COPS6: variants seen among roughly 807,000 people sequenced by gnomAD.
COPS6 encodes COP9 signalosome complex subunit 6.
COPS6 carries 9 observed loss-of-function variants against 41.0 expected under a neutral mutation model. The observed-to-expected ratio is 0.22, with a 90% CI of 0.13 to 0.38. The LOEUF is 0.38. COPS6 is among the 10% of genes least tolerant of loss of function. The pLI is 1.00. For synonymous variants in COPS6, 179 were observed against 162.9 expected, an observed-to-expected ratio of 1.10 and a Z score of -0.75; for missense variants, 302 against 436.7, an observed-to-expected ratio of 0.69 and a Z score of 2.75.
intron 3 of COPS6, 35 bp downstream of exon 3, chr7:100,089,781 G>C: frequency 6.3e-7 from 1 of 1,597,446 alleles, no homozygotes; most frequent in Non-Finnish European, 8.5e-7. Flanking sequence ...AGAGGAGTGG[G>C]AGTTAAAAAA....
Position 100,091,245 on chromosome 7 carries a change from A to T in COPS6, c.657A>T (p.Glu219Asp). The part of the protein sequence containing the change: ...TGSGENSTVA[E>D]HLIAQHSAIK... The stretch of plus-strand genomic sequence containing the variant: ...GTCCTCATCCCCTTGCAGTGGCTGA[A>T]CACCTGATAGCACAGCACAGCGCCA... The change falls in exon 8 of 10, where the codon GAA (glutamate) becomes GAT (aspartate). Residue 219 changes from glutamate (E) to aspartate (D), a missense_variant. Glu to Asp is a conservative substitution (Grantham distance 45, BLOSUM62 2). Transcript: ENST00000303904. This position sits in a 1 kb window ranked among gnomAD's most constrained non-coding sequence, Gnocchi z 4.1. 6.2e-7 allele frequency: 1 copy of T among 1,614,212 alleles called. No individual in the cohort carries two copies. The highest frequency in any genetic ancestry group is 8.5e-7 in the Non-Finnish European group (1 of 1,180,038).
At chr7:100,090,972 T>A (rs1795307568) in intron 6 of COPS6, 23 bp downstream of exon 6, 1 of 1,614,044 alleles carries the variant, frequency 6.2e-7, no homozygotes, top group Admixed American at 1.7e-5. Flanking sequence ...CCTTCAACCC[T>A]CAGATCCTGC....
In COPS6 at chr7:100,089,695, G is replaced by C. The variant is rs769114568; in HGVS notation, c.283G>C (p.Glu95Gln). The part of the protein sequence containing the change: ...NSFELLSHTV[E>Q]EKIIIDKEYY... The stretch of plus-strand genomic sequence containing the variant: ...CTTTGAGCTGCTGTCCCACACCGTG[G>C]AAGAGAAGATTATCATTGACAAGGA... Residue 95 changes from glutamate to glutamine, a missense_variant, in exon 3 of 10, where the codon GAA becomes CAA. Around this residue, in one of 3 missense-constraint regions of COPS6, gnomAD observed 222 missense variants for 309.0 expected, o/e 0.72. Transcript: ENST00000303904. 1 of 1,614,092 alleles carries C rather than the reference G, an allele frequency of 6.2e-7. No homozygotes were observed. The highest frequency in any genetic ancestry group is 2.2e-5 in the East Asian group (1 of 44,882).
rs559254902 is a variant in COPS6 at position 100,090,280 on chromosome 7, G to A, written c.335-119G>A. The A allele has an allele frequency of 1.1e-4, 78 of 701,640 alleles. No homozygotes were observed. In the East Asian group the frequency reaches 1.8e-3, roughly 17 times the overall value. The allele number at this position is 701,640 out of a possible 1,614,324, so 43.5% of individuals were successfully genotyped here. ...GGAGAATTGCTTGAACCTGGGAGGC[G>A]GAGGTTGTGGTGAGCTGAGATCATG... On this transcript the variant is annotated intron_variant, in intron 3 of 9. Coordinates refer to ENST00000303904, the MANE Select transcript of COPS6 (RefSeq NM_006833.5).
intron 3 of COPS6, 173 bp downstream of exon 3, chr7:100,089,919 C>A: frequency 1.6e-6 from 1 of 613,698 alleles, no homozygotes; most frequent in Non-Finnish European, 2.8e-6. Context: ...AGTTCTTTCT[C>A]AAAAGAAAGC....
At chr7:100,090,204 C>T (rs933495516) in intron 3 of COPS6, 195 bp from the exon 4 acceptor site, 5 of 578,760 alleles carry the variant, frequency 8.6e-6, no homozygotes, top group African/African-American at 3.7e-5. Context: ...AAAAATTAGT[C>T]TGGCATGGTG....
In COPS6 at chr7:100,091,087, C is replaced by G; in HGVS notation, c.584C>G (p.Ala195Gly). The change falls in exon 7 of 10, where the codon GCG (alanine) becomes GGG (glycine). Residue 195 changes from alanine (A) to glycine (G), a missense_variant. Transcript: ENST00000303904. The surrounding 1 kb of genome is among the most constrained non-coding windows in gnomAD (Gnocchi z 4.1). ...ACCTACACTCTGGCCACAGAGGAAG[C>G]GGAACGCATTGGTGTAGACCACGTA... is the stretch of plus-strand genomic sequence containing the variant. ...ELTYTLATEE[A>G]ERIGVDHVAR... The G allele has an allele frequency of 1.2e-6, 2 of 1,614,232 alleles. No homozygotes were observed. Among genetic ancestry groups the G allele is most frequent in the Non-Finnish European group, 1.7e-6 (2 of 1,180,042 alleles).
intron 3 of COPS6, 88 bp downstream of exon 3, chr7:100,089,834 CAGGAG>C (rs1795286027): frequency 7.4e-7 from 1 of 1,351,852 alleles, no homozygotes. Flanking sequence ...TGGAAAGAAA[CAGGAG>C]AGGAGACCAA....
chr7:100,091,429 C>T lies in COPS6; in HGVS notation c.752C>T (p.Pro251Leu). ...YVKASEAGEV[P>L]FNHEILREAY... ...CTTTTTGTGCCTTTAGGAGAGGTCCCCTTTAATCATGAGATCCTGCGGGAG... is the reference window on the plus strand; with the variant it reads ...CTTTTTGTGCCTTTAGGAGAGGTCCTCTTTAATCATGAGATCCTGCGGGAG... The change falls in exon 9 of 10, where the codon CCC becomes CTC. Residue 251 changes from proline to leucine, a missense_variant. By Grantham distance (98) the Pro-to-Leu change is moderately conservative. Coordinates refer to ENST00000303904, the MANE Select transcript of COPS6 (RefSeq NM_006833.5). The surrounding 1 kb of genome is among the most constrained non-coding windows in gnomAD (Gnocchi z 4.1). The T allele has an allele frequency of 6.2e-7, 1 of 1,614,078 alleles. No individual in the cohort carries two copies. The highest frequency in any genetic ancestry group is 8.5e-7 in the Non-Finnish European group (1 of 1,179,948).
In COPS6 at chr7:100,091,369, C is replaced by A. The variant is rs1421744921; in HGVS notation, c.742+39C>A. 13 of 1,612,852 alleles carry A rather than the reference C, an allele frequency of 8.1e-6. No homozygotes were observed. Among genetic ancestry groups the A allele is most frequent in the Non-Finnish European group, 1.1e-5 (13 of 1,178,930 alleles). Reference sequence around the variant, plus strand: ...TTCCCTGGCATTCTTCCTCTCCCTCCTGGGGAAGTGACAGCATCCAAACTA... The same window carrying A: ...TTCCCTGGCATTCTTCCTCTCCCTCATGGGGAAGTGACAGCATCCAAACTA... On this transcript the variant is annotated intron_variant, in intron 8 of 9. Transcript: ENST00000303904. This position sits in a 1 kb window ranked among gnomAD's most constrained non-coding sequence, Gnocchi z 4.1.
At chr7:100,089,097 G>C in intron 1 of COPS6, 31 bp downstream of exon 1, 2 of 1,426,172 alleles carry the variant, frequency 1.4e-6, no homozygotes, top group Non-Finnish European at 1.8e-6. Context: ...GGCTTCCGGA[G>C]ACCTCCTTCA....
chr7:100,090,765 T>C, intron 5 of COPS6, 111 bp downstream of exon 5: 2 of 1,446,506 alleles, frequency 1.4e-6, no homozygotes. Flanking sequence ...GACTCTGGCT[T>C]AGTCATTTAA....
At chr7:100,090,796 G>A (rs1795304063) in intron 5 of COPS6, 106 bp from the exon 6 acceptor site, 5 of 1,474,908 alleles carry the variant, frequency 3.4e-6, no homozygotes, top group African/African-American at 1.4e-5. Flanking sequence ...GTGAAAGGAG[G>A]TAATCCCTAC....
chr7:100,091,062 A>G lies in COPS6; in HGVS notation c.559A>G (p.Thr187Ala). ...GEATMLFAEL[T>A]YTLATEEAER... ...GGCCACAATGCTGTTTGCTGAGCTG[A>G]CCTACACTCTGGCCACAGAGGAAGC... is the stretch of plus-strand genomic sequence containing the variant. The change falls in exon 7 of 10, where the codon ACC (threonine) becomes GCC (alanine). Residue 187 changes from threonine to alanine, a missense_variant. Thr to Ala is a moderately conservative substitution (Grantham distance 58, BLOSUM62 0). This residue lies in a region of COPS6 where 222 missense variants were observed against 309.0 expected (regional missense o/e 0.72). Transcript: ENST00000303904. The surrounding 1 kb of genome is among the most constrained non-coding windows in gnomAD (Gnocchi z 4.1). The G allele has an allele frequency of 6.2e-7, 1 of 1,614,156 alleles. No homozygotes were observed. The highest frequency in any genetic ancestry group is 1.1e-5 in the South Asian group (1 of 91,086).
chr7:100,090,360 A>AAAAAG (rs1475431486), intron 3 of COPS6, 39 bp from the exon 4 acceptor site: 1 of 1,495,134 alleles, frequency 6.7e-7, no homozygotes, highest in Non-Finnish European at 9.2e-7. Flanking sequence ...AAAAAAAAAA[A>AAAAAG]AAAAGAATTA....
chr7:100,091,410 G>A lies in COPS6; in HGVS notation c.743-10G>A. Reference sequence around the variant, plus strand: ...ATCCAAACTAATGTAGTCTCTTTTTGTGCCTTTAGGAGAGGTCCCCTTTAA... The same window carrying A: ...ATCCAAACTAATGTAGTCTCTTTTTATGCCTTTAGGAGAGGTCCCCTTTAA... On this transcript the variant is annotated splice_polypyrimidine_tract_variant and intron_variant, in intron 8 of 9. Coordinates refer to ENST00000303904, the MANE Select transcript of COPS6 (RefSeq NM_006833.5). The surrounding 1 kb of genome is among the most constrained non-coding windows in gnomAD (Gnocchi z 4.1). 5 of 1,613,720 alleles carry A rather than the reference G, an allele frequency of 3.1e-6. No individual in the cohort carries two copies. The highest frequency in any genetic ancestry group is 4.2e-6 in the Non-Finnish European group (5 of 1,179,702).
Position 100,091,328 on chromosome 7 carries a change from C to T in COPS6, c.740C>T (p.Ala247Val), listed in dbSNP as rs2116538492. Reference protein sequence around the residue: ...LILEYVKASEAGEVPFNHEIL... With the variant: ...LILEYVKASEVGEVPFNHEIL... ...TTGGAGTACGTCAAGGCCTCTGAAG[C>T]GGGTAGGACAGGGGCTTCCCTGGCA... Residue 247 changes from alanine (A) to valine (V), a missense_variant and splice_region_variant, in exon 8 of 10, where the codon GCG becomes GTG. This residue lies in a region of COPS6 where 222 missense variants were observed against 309.0 expected (regional missense o/e 0.72). Transcript: ENST00000303904. The surrounding 1 kb of genome is among the most constrained non-coding windows in gnomAD (Gnocchi z 4.1). The T allele has an allele frequency of 6.2e-7, 1 of 1,614,114 alleles. No homozygotes were observed. Among genetic ancestry groups the T allele is most frequent in the Non-Finnish European group, 8.5e-7 (1 of 1,179,958 alleles).
Position 100,092,126 on chromosome 7 carries a change from T to C in COPS6, c.*337T>C, listed in dbSNP as rs994102452. 1.0e-5 allele frequency: 3 copies of C among 287,418 alleles called. No homozygotes were observed. The South Asian group carries it at 1.8e-4, about 18-fold the overall frequency. The allele number at this position is 287,418 out of a possible 1,614,324, so 17.8% of individuals were successfully genotyped here. A position where few individuals can be genotyped will look rare whatever the true frequency, so the allele number is the denominator to read the frequency against. ...AAGTGGTCTCTGTTCTACACTTTAATGTCACCCTCTACATCATCTTACCTA... is the reference window on the plus strand; with the variant it reads ...AAGTGGTCTCTGTTCTACACTTTAACGTCACCCTCTACATCATCTTACCTA... On this transcript the variant is annotated 3_prime_UTR_variant, in exon 10 of 10. Coordinates refer to ENST00000303904, the MANE Select transcript of COPS6 (RefSeq NM_006833.5).
chr7:100,091,349 T>C lies in COPS6; in HGVS notation c.742+19T>C. 1 of 1,613,786 alleles carries C rather than the reference T, an allele frequency of 6.2e-7. No homozygotes were observed. The highest frequency in any genetic ancestry group is 8.5e-7 in the Non-Finnish European group (1 of 1,179,672). ...GAAGCGGGTAGGACAGGGGCTTCCC[T>C]GGCATTCTTCCTCTCCCTCCTGGGG... On this transcript the variant is annotated intron_variant, in intron 8 of 9. Transcript: ENST00000303904. The surrounding 1 kb of genome is among the most constrained non-coding windows in gnomAD (Gnocchi z 4.1).
Sources: allele counts gnomAD v4.1 joint callset, GRCh38; gene constraint gnomAD v4.1.1; regional missense constraint gnomAD v4.1.1; non-coding constraint Gnocchi (gnomAD v3.1); transcripts MANE v1.5; gene names NCBI Gene and HGNC (gene_info 2026-07-23, HGNC 2026-07-21).